RASA3: variants seen among roughly 807,000 people sequenced by gnomAD.
RASA3 encodes ras GTPase-activating protein 3.
Under a neutral mutation model 110.0 loss-of-function variants are expected in RASA3, and 73 were observed. That is an observed-to-expected ratio of 0.66 (90% confidence interval 0.55 to 0.81). The LOEUF is 0.81. Among genes scored for constraint, RASA3 ranks in the 30% least tolerant of loss-of-function variants. The pLI is 0.00. For synonymous variants in RASA3, 500 were observed against 451.4 expected, an observed-to-expected ratio of 1.11 and a Z score of -1.37; for missense variants, 976 against 1,113.2, an observed-to-expected ratio of 0.88 and a Z score of 1.75.
Position 114,088,936 on chromosome 13 carries a change from C to T in RASA3, c.56-15099G>A, listed in dbSNP as rs75779470. Among the ~76,000 whole-genome samples, 120 of 152,250 alleles carry T rather than the reference C, an allele frequency of 7.9e-4. No individual in the cohort carries two copies. In the East Asian group the frequency reaches 0.021, roughly 27 times the overall value. On this transcript the variant is annotated intron_variant, in intron 1 of 23. Transcript: ENST00000334062. ...TAAGATTATGGAAACAAAGTAGAGA[C>T]GATCCGTAAGAAATAAATAGGGATT...
chr13:113,995,631 C>T lies in RASA3; in HGVS notation c.2141+900G>A, dbSNP rs79570415. Among the ~76,000 whole-genome samples, 50 of 104,052 alleles carry T rather than the reference C, an allele frequency of 4.8e-4. 2 individuals carry two copies. The South Asian group carries it at 0.014, about 30-fold the overall frequency. 68.3% of individuals were successfully genotyped at this position (104,052 alleles called of 152,430 possible). On this transcript the variant is annotated intron_variant, in intron 21 of 23. Coordinates refer to ENST00000334062, the MANE Select transcript of RASA3 (RefSeq NM_007368.4). ...GGGGCCCTGCTGATGGGGGGCCTGA[C>T]AGGGGGCCCAGCTGACGGGGGGCCC...
At chr13:114,029,602 G>C (rs1274886686) in intron 5 of RASA3, among the ~76,000 whole-genome samples, 7 of 80,688 alleles carry the variant, frequency 8.7e-5, no homozygotes, top group Admixed American at 2.2e-4. Context: ...CATCCTGGGG[G>C]CCAGGACCTC....
chr13:114,066,414 C>G (rs574106374), intron 2 of RASA3, among the ~76,000 whole-genome samples: 1 of 152,152 alleles, frequency 6.6e-6, no homozygotes, highest in Non-Finnish European at 1.5e-5. Context: ...GGGAGGCGGC[C>G]GGGCGAGAGG....
intron 1 of RASA3, among the ~76,000 whole-genome samples, chr13:114,121,005 C>A (rs2080368467): frequency 6.6e-6 from 1 of 152,240 alleles, no homozygotes; most frequent in Non-Finnish European, 1.5e-5. Flanking sequence ...ACTGGGGACT[C>A]CCCTGTAACA....
rs974300476 is a variant in RASA3, at chr13:114,114,254, G to A, written c.55+18181C>T. 2.6e-5 allele frequency among the ~76,000 whole-genome samples: 4 copies of A among 152,204 alleles called. No individual in the cohort carries two copies. Among genetic ancestry groups the A allele is most frequent in the Admixed American group, 6.5e-5 (1 of 15,286 alleles). On this transcript the variant is annotated intron_variant, in intron 1 of 23. Coordinates refer to ENST00000334062, the MANE Select transcript of RASA3 (RefSeq NM_007368.4). The surrounding 1 kb of genome is among the most constrained non-coding windows in gnomAD (Gnocchi z 4.8). The stretch of plus-strand genomic sequence containing the variant: ...CCCATGTGACGTTAGAAAGGCAACC[G>A]CAAATTCAGCTGCGGAGTGCAAAAC...
chr13:114,026,293 C>T (rs943894816), intron 7 of RASA3, among the ~76,000 whole-genome samples: 8 of 152,212 alleles, frequency 5.3e-5, no homozygotes, highest in Non-Finnish European at 8.8e-5. Flanking sequence ...ACCTGGAACT[C>T]GGTCCATGCT....
chr13:114,130,723 T>C (rs1364469708), intron 1 of RASA3, among the ~76,000 whole-genome samples: 1 of 152,212 alleles, frequency 6.6e-6, no homozygotes, highest in Non-Finnish European at 1.5e-5. Context: ...ACAGCGAGCA[T>C]GCTGTGCCGG....
intron 1 of RASA3, among the ~76,000 whole-genome samples, chr13:114,122,135 G>C (rs1049788038): frequency 6.6e-6 from 1 of 152,234 alleles, no homozygotes; most frequent in Non-Finnish European, 1.5e-5. Context: ...CTGCGCAGCC[G>C]GCCACGGCGG....
intron 22 of RASA3, among the ~76,000 whole-genome samples, chr13:113,988,935 C>T (rs2053033000): frequency 6.7e-6 from 1 of 150,276 alleles, no homozygotes; most frequent in African/African-American, 2.5e-5. Flanking sequence ...TCCATCCACC[C>T]ATCACTCACC....
intron 1 of RASA3, among the ~76,000 whole-genome samples, chr13:114,100,235 C>T (rs1217399061): frequency 6.6e-6 from 1 of 151,870 alleles, no homozygotes; most frequent in Non-Finnish European, 1.5e-5. Flanking sequence ...GAGGGCGCGC[C>T]GATGTGGATG....
At position 113,992,594 on chromosome 13, in the gene RASA3, C is replaced by T. The variant is rs766150870; in HGVS notation, c.2142-6G>A. ...GGATGTTGGCTGGGAGGCCGCTGTCCAGACACAGCAAGAACAGAAAGATAA... is the reference window on the plus strand; with the variant it reads ...GGATGTTGGCTGGGAGGCCGCTGTCTAGACACAGCAAGAACAGAAAGATAA... On this transcript the variant is annotated splice_polypyrimidine_tract_variant and splice_region_variant and intron_variant, in intron 21 of 23. Transcript: ENST00000334062. 1 of 1,606,010 alleles carries T rather than the reference C, an allele frequency of 6.2e-7. No individual in the cohort carries two copies. The highest frequency in any genetic ancestry group is 8.5e-7 in the Non-Finnish European group (1 of 1,173,576).
At chr13:113,995,772 G>A (rs1380465399) in intron 21 of RASA3, among the ~76,000 whole-genome samples, 6 of 25,782 alleles carry the variant, frequency 2.3e-4, no homozygotes, top group African/African-American at 2.0e-3. Context: ...CCCGGCTGAC[G>A]GGGGGCCCGG....
chr13:114,010,816 G>T (rs1231830475), intron 16 of RASA3, among the ~76,000 whole-genome samples: 1 of 150,568 alleles, frequency 6.6e-6, no homozygotes, highest in Non-Finnish European at 1.5e-5. Context: ...GGAGTAGGGG[G>T]CTGCGTGACG....
chr13:114,043,721 TCAGA>T (rs1465729614), intron 3 of RASA3, among the ~76,000 whole-genome samples: 1 of 151,930 alleles, frequency 6.6e-6, no homozygotes, highest in Admixed American at 6.6e-5. Flanking sequence ...CCAGGGAGGC[TCAGA>T]GAGAAATCCA....
chr13:114,056,771 T>A lies in RASA3; in HGVS notation c.174-4616A>T. The A allele has an allele frequency of 1.4e-6, 1 of 733,124 alleles. No individual in the cohort carries two copies. The highest frequency in any genetic ancestry group is 1.7e-6 in the Non-Finnish European group (1 of 599,404). 45.4% of individuals were successfully genotyped at this position (733,124 alleles called of 1,614,324 possible). A position where few individuals can be genotyped will look rare whatever the true frequency, so the allele number is the denominator to read the frequency against. Reference sequence around the variant, plus strand: ...GCTACAAGAAAACATACGAACTCCATAAAATTATCACCACAGACTGGACGT... The same window carrying A: ...GCTACAAGAAAACATACGAACTCCAAAAAATTATCACCACAGACTGGACGT... On this transcript the variant is annotated intron_variant, in intron 2 of 23. Coordinates refer to ENST00000334062, the MANE Select transcript of RASA3 (RefSeq NM_007368.4). This position sits in a 1 kb window ranked among gnomAD's most constrained non-coding sequence, Gnocchi z 5.7.
chr13:114,115,525 C>T lies in RASA3; in HGVS notation c.55+16910G>A, dbSNP rs2080264692. On this transcript the variant is annotated intron_variant, in intron 1 of 23. Transcript: ENST00000334062. The surrounding 1 kb of genome is among the most constrained non-coding windows in gnomAD (Gnocchi z 5.0). ...TACTCACTTCCTGTCGCAAGAGACTCATGCCCTAGAGATAAAGCCGTCGGA... is the reference window on the plus strand; with the variant it reads ...TACTCACTTCCTGTCGCAAGAGACTTATGCCCTAGAGATAAAGCCGTCGGA... Among the ~76,000 whole-genome samples the T allele has an allele frequency of 6.6e-6, 1 of 152,242 alleles. No homozygotes were observed. Among genetic ancestry groups the T allele is most frequent in the Non-Finnish European group, 1.5e-5 (1 of 68,040 alleles).
At chr13:114,032,360 G>A (rs184823265) in intron 4 of RASA3, among the ~76,000 whole-genome samples, 37 of 152,210 alleles carry the variant, frequency 2.4e-4, no homozygotes, top group Non-Finnish European at 1.8e-4. Flanking sequence ...AATCAAAAAC[G>A]CTCTATATCC....
Position 114,104,270 on chromosome 13 carries a change from A to C in RASA3, c.55+28165T>G, listed in dbSNP as rs1594460299. Among the ~76,000 whole-genome samples, 2 of 55,150 alleles carry C rather than the reference A, an allele frequency of 3.6e-5. 1 individual carries two copies. Among genetic ancestry groups the C allele is most frequent in the South Asian group, 1.7e-3 (2 of 1,204 alleles). The allele number at this position is 55,150 out of a possible 152,430, so 36.2% of individuals were successfully genotyped here. ...CACACTGCCACGGCCACGGACACCC[A>C]CCCCTGATGCGTCCACGCTGTCCCC... On this transcript the variant is annotated intron_variant, in intron 1 of 23. Coordinates refer to ENST00000334062, the MANE Select transcript of RASA3 (RefSeq NM_007368.4).
At chr13:113,998,644 G>C (rs979131917) in intron 20 of RASA3, among the ~76,000 whole-genome samples, 4 of 152,254 alleles carry the variant, frequency 2.6e-5, no homozygotes, top group African/African-American at 9.6e-5. Context: ...CCACACAATG[G>C]TGACGCCACG....
Sources: gnomAD v4.1 joint callset for allele counts (sites outside exome capture counted in the v4.1 genomes callset) on GRCh38, gnomAD v4.1.1 for gene constraint, Gnocchi (gnomAD v3.1) non-coding constraint, MANE v1.5 for transcripts, NCBI Gene and HGNC (gene_info 2026-07-23, HGNC 2026-07-21) for gene names.